Variants in CDK5RAP2 observed in about 807,000 individuals in gnomAD.
CDK5RAP2 encodes the protein CDK5 regulatory subunit associated protein 2.
A neutral mutation model predicts 232.9 loss-of-function variants in CDK5RAP2; 147 were observed. The observed-to-expected ratio is 0.63, with a 90% CI of 0.55 to 0.72. CDK5RAP2 has a LOEUF of 0.72. Ranked by LOEUF, CDK5RAP2 falls within the 30% of genes least tolerant of loss-of-function variation. CDK5RAP2 has a pLI of 0.00. For synonymous variants in CDK5RAP2, 833 were observed against 833.7 expected (o/e 1.00, Z 0.01); for missense variants, 2,195 against 2,231.5 (o/e 0.98, Z 0.33).
chr9:120,530,785 C>T (rs550905859), intron 7 of CDK5RAP2, among the ~76,000 whole-genome samples: 1 of 144,804 alleles, frequency 6.9e-6, no homozygotes, highest in Non-Finnish European at 1.5e-5. Context: ...CGTGTTCTCA[C>T]TCATAGGTGG....
At chr9:120,484,088 T>C (rs947096728) in intron 14 of CDK5RAP2, among the ~76,000 whole-genome samples, 1 of 152,228 alleles carries the variant, frequency 6.6e-6, no homozygotes, top group African/African-American at 2.4e-5. Flanking sequence ...AATTCCCTAG[T>C]CATCTAGCAT....
intron 4 of CDK5RAP2, among the ~76,000 whole-genome samples, chr9:120,546,389 C>G (rs553378785): frequency 6.6e-6 from 1 of 152,304 alleles, no homozygotes; most frequent in South Asian, 2.1e-4. Flanking sequence ...TTCCTCTTAA[C>G]TGACTGGAAC....
chr9:120,576,432 G>A (rs2043034025), intron 1 of CDK5RAP2, among the ~76,000 whole-genome samples: 1 of 152,228 alleles, frequency 6.6e-6, no homozygotes, highest in Admixed American at 6.5e-5. Flanking sequence ...GCCAGGCGGG[G>A]TGGCTCACTC....
intron 13 of CDK5RAP2, among the ~76,000 whole-genome samples, chr9:120,488,818 T>G (rs1304038820): frequency 6.6e-6 from 1 of 152,258 alleles, no homozygotes; most frequent in Non-Finnish European, 1.5e-5. Context: ...CATTTTAGTT[T>G]CTTAGAGAAA....
chr9:120,576,849 G>C (rs2043051746), intron 1 of CDK5RAP2, among the ~76,000 whole-genome samples: 2 of 152,164 alleles, frequency 1.3e-5, no homozygotes, highest in Non-Finnish European at 1.5e-5. Flanking sequence ...GCAGAAGCAG[G>C]AGGATCACTT....
intron 3 of CDK5RAP2, among the ~76,000 whole-genome samples, chr9:120,557,574 G>A (rs1372593382): frequency 1.3e-5 from 2 of 151,998 alleles, no homozygotes; most frequent in South Asian, 2.1e-4. Flanking sequence ...TGGACAACAT[G>A]GCGAAACCAC....
intron 7 of CDK5RAP2, among the ~76,000 whole-genome samples, chr9:120,535,771 G>C (rs147081196): frequency 6.6e-6 from 1 of 152,280 alleles, no homozygotes; most frequent in African/African-American, 2.4e-5. Context: ...TAAACTAGAA[G>C]GCACCCATTT....
chr9:120,474,409 A>C lies in CDK5RAP2; in HGVS notation c.1728-2531T>G, dbSNP rs185457220. 6.4e-4 allele frequency among the ~76,000 whole-genome samples: 98 copies of C among 152,306 alleles called. No individual in the cohort carries two copies. In the East Asian group the frequency reaches 0.011, roughly 16 times the overall value. The stretch of plus-strand genomic sequence containing the variant: ...TTGTTACAACTGCCATGGGAGGATC[A>C]GGTGTGCCGACCCTCCCATGGTAGA... On this transcript the variant is annotated intron_variant, in intron 15 of 37. Coordinates refer to ENST00000349780, the MANE Select transcript of CDK5RAP2 (RefSeq NM_018249.6).
intron 11 of CDK5RAP2, among the ~76,000 whole-genome samples, 156 bp downstream of exon 11, chr9:120,524,830 G>C (rs1007565104): frequency 3.3e-5 from 5 of 152,096 alleles, no homozygotes; most frequent in African/African-American, 9.7e-5. Flanking sequence ...AAATCTGGTA[G>C]AGAATTTCCC....
Position 120,389,255 on chromosome 9 carries a change from G to C in CDK5RAP2, c.5663C>G (p.Pro1888Arg), listed in dbSNP as rs762331253. Residue 1888 changes from proline to arginine, a missense_variant, in exon 38 of 38, where the codon CCC (proline) becomes CGC (arginine). By Grantham distance (103) the Pro-to-Arg change is moderately radical (BLOSUM62 -2). Coordinates refer to ENST00000349780, the MANE Select transcript of CDK5RAP2 (RefSeq NM_018249.6). ...TTCTTCTCAGGAGCCTGGTCTGCTG[G>C]GACTGCATGTTCCTGGATGGGCTCC... ...PGGAHPGTCS[P>R]SRPGS is the part of the protein sequence containing the mutation. 1 of 1,613,006 alleles carries C rather than the reference G, an allele frequency of 6.2e-7. No individual in the cohort carries two copies. The highest frequency in any genetic ancestry group is 1.1e-5 in the South Asian group (1 of 90,782).
intron 25 of CDK5RAP2, 52 bp downstream of exon 25, chr9:120,437,243 G>T: frequency 1.5e-6 from 2 of 1,325,752 alleles, no homozygotes; most frequent in Non-Finnish European, 2.1e-6. Context: ...CCTCCAAGAA[G>T]TCCTGGGTCA....
At position 120,415,166 on chromosome 9, in the gene CDK5RAP2, G is replaced by A; in HGVS notation, c.4178-7C>T. On this transcript the variant is annotated splice_polypyrimidine_tract_variant and splice_region_variant and intron_variant, in intron 27 of 37. Coordinates refer to ENST00000349780, the MANE Select transcript of CDK5RAP2 (RefSeq NM_018249.6). Reference sequence around the variant, plus strand: ...ATGTGTTCCATTAGTAAGTCTACAGGAAGGAAGCCATTTTTAATTTAAAGT... The same window carrying A: ...ATGTGTTCCATTAGTAAGTCTACAGAAAGGAAGCCATTTTTAATTTAAAGT... 2 of 1,613,864 alleles carry A rather than the reference G, an allele frequency of 1.2e-6. No individual in the cohort carries two copies. The highest frequency in any genetic ancestry group is 1.7e-6 in the Non-Finnish European group (2 of 1,179,792).
intron 22 of CDK5RAP2, among the ~76,000 whole-genome samples, chr9:120,444,563 A>C (rs1419069213): frequency 6.6e-6 from 1 of 152,242 alleles, no homozygotes; most frequent in Non-Finnish European, 1.5e-5. Flanking sequence ...ATGGATTAGA[A>C]GAAGGTAGAT....
intron 3 of CDK5RAP2, among the ~76,000 whole-genome samples, chr9:120,567,420 G>C (rs2042686964): frequency 6.6e-6 from 1 of 152,162 alleles, no homozygotes; most frequent in South Asian, 2.1e-4. Flanking sequence ...TTCTCTCTGT[G>C]TCCTCCATCT....
At chr9:120,468,125 T>G (rs2037488986) in intron 17 of CDK5RAP2, 128 bp from the exon 18 acceptor site, 1 of 870,646 alleles carries the variant, frequency 1.1e-6, no homozygotes, top group Non-Finnish European at 1.9e-6. Context: ...AGGCTGATTC[T>G]AGCCCTCAGG....
chr9:120,417,169 G>A (rs879596500), intron 27 of CDK5RAP2, among the ~76,000 whole-genome samples: 2 of 88,958 alleles, frequency 2.2e-5, no homozygotes, highest in African/African-American at 4.3e-5. Flanking sequence ...ACCTCCCCAC[G>A]CCTTAAACTG....
At chr9:120,523,309 T>C (rs1396213062) in intron 11 of CDK5RAP2, among the ~76,000 whole-genome samples, 1 of 152,234 alleles carries the variant, frequency 6.6e-6, no homozygotes, top group Non-Finnish European at 1.5e-5. Flanking sequence ...AAGTAAAATA[T>C]CACAATGTTT....
rs185675050 is a variant in CDK5RAP2 at position 120,539,699 on chromosome 9, A to C, written c.384-535T>G. Among the ~76,000 whole-genome samples, 278 of 152,360 alleles carry C rather than the reference A, an allele frequency of 1.8e-3. 1 individual carries two copies. Among genetic ancestry groups the C allele is most frequent in the African/African-American group, 6.5e-3 (269 of 41,592 alleles). The stretch of plus-strand genomic sequence containing the variant: ...GTTGGCGATACTGTTTACTGTAATA[A>C]GTAATGTTACGATAAAAGCATCCTT... On this transcript the variant is annotated intron_variant, in intron 5 of 37. Coordinates refer to ENST00000349780, the MANE Select transcript of CDK5RAP2 (RefSeq NM_018249.6).
At chr9:120,498,457 A>G (rs150797984) in intron 12 of CDK5RAP2, among the ~76,000 whole-genome samples, 75 of 152,366 alleles carry the variant, frequency 4.9e-4, no homozygotes, top group African/African-American at 1.5e-3. Context: ...CAGATTAGCC[A>G]AGACTAAGCA....
Sources: gnomAD v4.1 joint callset for allele counts (sites outside exome capture counted in the v4.1 genomes callset) on GRCh38, gnomAD v4.1.1 for gene constraint, MANE v1.5 for transcripts, NCBI Gene and HGNC (gene_info 2026-07-23, HGNC 2026-07-21) for gene names.